The following ANKRD46 variants were observed in gnomAD, a reference collection of about 807,000 sequenced individuals.
The protein encoded by ANKRD46 is ankyrin repeat domain-containing protein 46.
In ANKRD46, 13 loss-of-function variants were observed where a neutral mutation model predicts 19.8. The observed-to-expected ratio is 0.66, with a 90% CI of 0.43 to 1.04. ANKRD46 has a LOEUF of 1.04. Ranked by LOEUF, ANKRD46 falls within the 50% of genes least tolerant of loss-of-function variation. ANKRD46 has a pLI of 0.00. For synonymous variants in ANKRD46, 91 were observed against 106.9 expected, an observed-to-expected ratio of 0.85 and a Z score of 0.92; for missense variants, 185 against 274.8, an observed-to-expected ratio of 0.67 and a Z score of 2.31.
intron 1 of ANKRD46, chr8:100,551,376 C>T: frequency 1.7e-6 from 1 of 593,988 alleles, no homozygotes; most frequent in Non-Finnish European, 3.2e-6. Context: ...TTTGGCTCCC[C>T]CATTAAGTGA....
chr8:100,538,909 A>G (rs2022925), intron 1 of ANKRD46, among the ~76,000 whole-genome samples: 85,078 of 152,050 alleles, frequency 0.56, 24,421 homozygotes, highest in African/African-American at 0.67. Context: ...CTATGTATGT[A>G]CCATAATTTT....
At position 100,546,336 on chromosome 8, in the gene ANKRD46, T is replaced by C. The variant is rs529820429; in HGVS notation, c.-130-13025A>G. On this transcript the variant is annotated intron_variant, in intron 1 of 4. Coordinates refer to ENST00000335659, the MANE Select transcript of ANKRD46 (RefSeq NM_001270377.2). This position sits in a 1 kb window ranked among gnomAD's most constrained non-coding sequence, Gnocchi z 4.0. ...TGCTGCTCTCTGCAGCCTCAGGATA[T>C]GGTGTCCAGTGTCCCAGCCACTCCG... Among the ~76,000 whole-genome samples, 151 of 152,316 alleles carry C rather than the reference T, an allele frequency of 9.9e-4. No individual in the cohort carries two copies. The highest frequency in any genetic ancestry group is 1.8e-3 in the Non-Finnish European group (120 of 68,026).
rs924149465 is a variant in ANKRD46, at chr8:100,510,943, A to G, written c.637-304T>C. ...AGAGCTGAAGCCATCTGGGAACCTA[A>G]TCACCCACTGCCTGCAGGCCTGACC... On this transcript the variant is annotated intron_variant, in intron 5 of 5. Transcript: ENST00000520552. This position sits in a 1 kb window ranked among gnomAD's most constrained non-coding sequence, Gnocchi z 4.9. 6.6e-5 allele frequency among the ~76,000 whole-genome samples: 10 copies of G among 152,162 alleles called. No homozygotes were observed. Among genetic ancestry groups the G allele is most frequent in the Admixed American group, 2.0e-4 (3 of 15,282 alleles).
In ANKRD46 at chr8:100,511,145, G is replaced by T. The variant is rs2130622658; in HGVS notation, c.637-506C>A. Among the ~76,000 whole-genome samples, 1 of 152,330 alleles carries T rather than the reference G, an allele frequency of 6.6e-6. No homozygotes were observed. Among genetic ancestry groups the T allele is most frequent in the Admixed American group, 6.5e-5 (1 of 15,302 alleles). ...GTTGAGCGGCTTACACATCGCAGCT[G>T]ATCCCCTGGTTAGCATTACTATTCC... On this transcript the variant is annotated intron_variant, in intron 5 of 5. Coordinates refer to the ANKRD46 transcript ENST00000520552. This position sits in a 1 kb window ranked among gnomAD's most constrained non-coding sequence, Gnocchi z 4.1.
At position 100,549,028 on chromosome 8, in the gene ANKRD46, T is replaced by A. The variant is rs572461722; in HGVS notation, c.-131+10683A>T. On this transcript the variant is annotated intron_variant, in intron 1 of 4. Transcript: ENST00000335659. ...TAAGAAATTTTTTTAATTAAAAAAA[T>A]TTTAAAGATTTACCCAGAAATGAAA... 6.1e-4 allele frequency among the ~76,000 whole-genome samples: 92 copies of A among 151,730 alleles called. No homozygotes were observed. In the East Asian group the frequency reaches 0.013, roughly 21 times the overall value.
chr8:100,529,429 T>C lies in ANKRD46; in HGVS notation c.311+94A>G, dbSNP rs1811910854. ...TTCTGAACTTATTTCAACTGATTAA[T>C]GAGGAAACAAAACCAACAGACCCAA... On this transcript the variant is annotated intron_variant, in intron 3 of 4. Coordinates refer to ENST00000335659, the MANE Select transcript of ANKRD46 (RefSeq NM_001270377.2). The surrounding 1 kb of genome is among the most constrained non-coding windows in gnomAD (Gnocchi z 5.8). 1 of 1,291,120 alleles carries C rather than the reference T, an allele frequency of 7.7e-7. No individual in the cohort carries two copies. Among genetic ancestry groups the C allele is most frequent in the Non-Finnish European group, 1.1e-6 (1 of 941,562 alleles). 80.0% of individuals were successfully genotyped at this position (1,291,120 alleles called of 1,614,324 possible).
At chr8:100,512,982 A>G (rs1212634837) in intron 5 of ANKRD46, among the ~76,000 whole-genome samples, 1 of 152,136 alleles carries the variant, frequency 6.6e-6, no homozygotes, top group Non-Finnish European at 1.5e-5. Context: ...TTGAGAAGAG[A>G]CTGCTAGAGT....
rs144742148 is a variant in ANKRD46 at position 100,545,024 on chromosome 8, C to G, written c.-130-11713G>C. Among the ~76,000 whole-genome samples the G allele has an allele frequency of 2.1e-4, 32 of 152,266 alleles. No individual in the cohort carries two copies. Among genetic ancestry groups the G allele is most frequent in the African/African-American group, 7.7e-4 (32 of 41,542 alleles). ...TTTTGCCATGGCCTTAATATCATAT[C>G]TAAAACCAGCACTCCAGAGGCTGGG... On this transcript the variant is annotated intron_variant, in intron 1 of 4. Coordinates refer to ENST00000335659, the MANE Select transcript of ANKRD46 (RefSeq NM_001270377.2). This position sits in a 1 kb window ranked among gnomAD's most constrained non-coding sequence, Gnocchi z 4.7.
rs911652391 is a variant in ANKRD46 at position 100,534,695 on chromosome 8, T to C, written c.-130-1384A>G. Among the ~76,000 whole-genome samples, 1 of 152,254 alleles carries C rather than the reference T, an allele frequency of 6.6e-6. No individual in the cohort carries two copies. The highest frequency in any genetic ancestry group is 6.5e-5 in the Admixed American group (1 of 15,284). The stretch of plus-strand genomic sequence containing the variant: ...TGTTTTTCATCTAGAGATGGAATTA[T>C]AGTTCATATGGTCATGCCCCCAAAT... On this transcript the variant is annotated intron_variant, in intron 1 of 4. Coordinates refer to ENST00000335659, the MANE Select transcript of ANKRD46 (RefSeq NM_001270377.2). This position sits in a 1 kb window ranked among gnomAD's most constrained non-coding sequence, Gnocchi z 4.2.
chr8:100,522,086 A>G lies in ANKRD46; in HGVS notation c.*469T>C, dbSNP rs1811734893. Reference sequence around the variant, plus strand: ...CACAAGATTTGAAAAAAGTACTTCAAGTTTTATCTCTTATCCCTAGAGAAA... The same window carrying G: ...CACAAGATTTGAAAAAAGTACTTCAGGTTTTATCTCTTATCCCTAGAGAAA... On this transcript the variant is annotated 3_prime_UTR_variant, in exon 5 of 5. Transcript: ENST00000335659. The G allele has an allele frequency of 1.0e-6, 1 of 987,082 alleles. No individual in the cohort carries two copies. The highest frequency in any genetic ancestry group is 1.7e-5 in the African/African-American group (1 of 57,270). The allele number at this position is 987,082 out of a possible 1,614,324, so 61.1% of individuals were successfully genotyped here.
downstream of ANKRD46, among the ~76,000 whole-genome samples, chr8:100,516,992 C>A (rs1811645231): frequency 6.6e-6 from 1 of 152,206 alleles, no homozygotes; most frequent in Non-Finnish European, 1.5e-5. Flanking sequence ...CCCAGCTCTG[C>A]CGCTTACTGG....
downstream of ANKRD46, among the ~76,000 whole-genome samples, chr8:100,519,784 G>C (rs75917874): frequency 9.2e-3 from 1,405 of 152,298 alleles, 12 homozygotes; most frequent in Middle Eastern, 0.027. Flanking sequence ...TGTATAGTTC[G>C]TTCATGAAGC....
At chr8:100,548,449 C>T (rs1812316282) in intron 1 of ANKRD46, among the ~76,000 whole-genome samples, 1 of 152,230 alleles carries the variant, frequency 6.6e-6, no homozygotes, top group East Asian at 1.9e-4. Context: ...TTACTTTTCA[C>T]ATCACCCTGC....
downstream of ANKRD46, among the ~76,000 whole-genome samples, chr8:100,515,776 C>T (rs1382226982): frequency 1.3e-5 from 2 of 152,058 alleles, no homozygotes; most frequent in Admixed American, 6.6e-5. Context: ...AATGGGACCA[C>T]AGTCATTCAG....
intron 1 of ANKRD46, among the ~76,000 whole-genome samples, chr8:100,540,115 T>G (rs1812146792): frequency 6.6e-6 from 1 of 152,174 alleles, no homozygotes; most frequent in African/African-American, 2.4e-5. Flanking sequence ...GTTCTAAGTG[T>G]TTTTCCTATA....
Position 100,521,681 on chromosome 8 carries a change from C to T in ANKRD46, c.*874G>A, listed in dbSNP as rs1811726882. On this transcript the variant is annotated 3_prime_UTR_variant, in exon 5 of 5. Coordinates refer to ENST00000335659, the MANE Select transcript of ANKRD46 (RefSeq NM_001270377.2). ...CTATGATAAAACTGTGACAACACAGCTAGCTTATAGAACTGAGTTTTTCAC... is the reference window on the plus strand; with the variant it reads ...CTATGATAAAACTGTGACAACACAGTTAGCTTATAGAACTGAGTTTTTCAC... The T allele has an allele frequency of 2.0e-5, 20 of 985,394 alleles. 1 individual carries two copies. The highest frequency in any genetic ancestry group is 2.3e-5 in the Non-Finnish European group (19 of 829,912). 61.0% of individuals were successfully genotyped at this position (985,394 alleles called of 1,614,324 possible).
rs985677634 is a variant in ANKRD46, at chr8:100,545,441, C to T, written c.-130-12130G>A. 2.0e-5 allele frequency among the ~76,000 whole-genome samples: 3 copies of T among 152,078 alleles called. No homozygotes were observed. Among genetic ancestry groups the T allele is most frequent in the Admixed American group, 6.5e-5 (1 of 15,268 alleles). ...GTTTCCCCTACACATTCTCTCTTGC[C>T]GCCATGTAAGATGTTCCTTGCTTCC... On this transcript the variant is annotated intron_variant, in intron 1 of 4. Coordinates refer to ENST00000335659, the MANE Select transcript of ANKRD46 (RefSeq NM_001270377.2). This position sits in a 1 kb window ranked among gnomAD's most constrained non-coding sequence, Gnocchi z 4.7.
intron 1 of ANKRD46, chr8:100,551,086 C>T (rs544945175): frequency 9.8e-6 from 5 of 508,702 alleles, no homozygotes; most frequent in South Asian, 7.9e-5. Flanking sequence ...CTTGGCAACA[C>T]CAGTAGATGC....
intron 1 of ANKRD46, among the ~76,000 whole-genome samples, chr8:100,556,272 C>T (rs1247984169): frequency 4.6e-5 from 7 of 152,212 alleles, no homozygotes; most frequent in Non-Finnish European, 1.0e-4. Context: ...CCTCCAGTCT[C>T]GGCCTCCCAA....
Sources: allele counts gnomAD v4.1 joint callset (sites outside exome capture counted in the v4.1 genomes callset), GRCh38; gene constraint gnomAD v4.1.1; non-coding constraint Gnocchi (gnomAD v3.1); transcripts MANE v1.5; gene names NCBI Gene and HGNC (gene_info 2026-07-23, HGNC 2026-07-21).